JAKMIP3: variants seen among roughly 807,000 people sequenced by gnomAD.
The protein encoded by JAKMIP3 is janus kinase and microtubule-interacting protein 3.
Under a neutral mutation model 118.5 loss-of-function variants are expected in JAKMIP3, and 58 were observed. The observed-to-expected ratio is 0.49, with a 90% CI of 0.40 to 0.61. The LOEUF is 0.61. JAKMIP3 is among the 20% of genes least tolerant of loss of function. JAKMIP3 has a pLI of 0.00. For synonymous variants in JAKMIP3, 486 were observed against 451.2 expected (o/e 1.08, Z -0.98); for missense variants, 950 against 1,109.0 (o/e 0.86, Z 2.04).
chr10:132,148,379 A>G (rs2055080029), intron 14 of JAKMIP3, among the ~76,000 whole-genome samples: 1 of 152,288 alleles, frequency 6.6e-6, no homozygotes. Flanking sequence ...AAAACAAAAC[A>G]AAAGCACGAC....
At chr10:132,047,865 C>G (rs2037969564) in intron 1 of JAKMIP3, among the ~76,000 whole-genome samples, 1 of 107,424 alleles carries the variant, frequency 9.3e-6, no homozygotes. Context: ...ACTGTGTGTT[C>G]CCCACCCCCC....
chr10:132,163,871 G>A (rs530347518), intron 20 of JAKMIP3, among the ~76,000 whole-genome samples: 1 of 152,364 alleles, frequency 6.6e-6, no homozygotes, highest in Non-Finnish European at 1.5e-5. Context: ...TCTGGGGACA[G>A]CAGCCCAAGG....
rs563234720 is a variant in JAKMIP3, at chr10:132,134,606, C to T, written c.850-435C>T. ...TCATCGTACCAGAGAAATGCCGCCC[C>T]GTGGGGCAGGGGGCGCGCACCCTCC... On this transcript the variant is annotated intron_variant, in intron 4 of 23. Transcript: ENST00000684848. 1.6e-4 allele frequency among the ~76,000 whole-genome samples: 25 copies of T among 152,292 alleles called. No homozygotes were observed. In the South Asian group the frequency reaches 2.1e-3, roughly 13 times the overall value.
intron 6 of JAKMIP3, among the ~76,000 whole-genome samples, chr10:132,136,780 G>A (rs1361439802): frequency 1.3e-5 from 2 of 152,196 alleles, no homozygotes; most frequent in Admixed American, 1.3e-4. Context: ...GACCCGCAGG[G>A]CCCATGTGTG....
At position 132,128,397 on chromosome 10, in the gene JAKMIP3, T is replaced by A. The variant is rs79783615; in HGVS notation, c.634-4915T>A. 7.6e-3 allele frequency among the ~76,000 whole-genome samples: 1,157 copies of A among 152,308 alleles called. 37 individuals are homozygous for A. In the South Asian group the frequency reaches 0.081, roughly 11 times the overall value. On this transcript the variant is annotated intron_variant, in intron 3 of 23. Transcript: ENST00000684848. ...GTGTCTAGGTGTGTTTTTGTAATTT[T>A]AAAAAAATACTGCTTGGAGACAGCT...
intron 19 of JAKMIP3, among the ~76,000 whole-genome samples, chr10:132,161,522 GGC>G (rs2058317363): frequency 1.4e-5 from 1 of 71,588 alleles, no homozygotes; most frequent in Non-Finnish European, 2.8e-5. Flanking sequence ...GATGCTGGGG[GGC>G]CTCTCCCTGT....
rs1262889146 is a variant in JAKMIP3, at chr10:132,180,742, C to CGTGTGCGTGTGTGTGTGT, written c.*1104-1612_*1104-1611insTGCGTGTGTGTGTGTGTG. ...GTGCGTGTGTGTGCGTGTGTGCGTG[C>CGTGTGCGTGTGTGTGTGT]GTGCGCGCGCGTGTGTGCGTGTGTG... On this transcript the variant is annotated intron_variant, in intron 23 of 23. Transcript: ENST00000684848. Among the ~76,000 whole-genome samples, 7 of 8,716 alleles carry CGTGTGCGTGTGTGTGTGT rather than the reference C, an allele frequency of 8.0e-4. 2 individuals are homozygous for CGTGTGCGTGTGTGTGTGT. Among genetic ancestry groups the CGTGTGCGTGTGTGTGTGT allele is most frequent in the Non-Finnish European group, 1.5e-3 (7 of 4,630 alleles). 5.7% of individuals were successfully genotyped at this position (8,716 alleles called of 152,430 possible). A position where few individuals can be genotyped will look rare whatever the true frequency, so the allele number is the denominator to read the frequency against.
chr10:132,136,891 A>AGAGGC (rs2051898503), intron 6 of JAKMIP3, 128 bp from the exon 7 acceptor site: 1 of 1,012,566 alleles, frequency 9.9e-7, no homozygotes, highest in Non-Finnish European at 1.4e-6. Context: ...AGGCCTGAGC[A>AGAGGC]GAGGCCGCCA....
At chr10:132,091,875 T>C (rs1321296540) in intron 1 of JAKMIP3, among the ~76,000 whole-genome samples, 1 of 152,212 alleles carries the variant, frequency 6.6e-6, no homozygotes, top group Non-Finnish European at 1.5e-5. Flanking sequence ...ATCGATGGTC[T>C]TTACAATTTG....
chr10:132,146,302 A>G (rs1312964900), intron 13 of JAKMIP3, among the ~76,000 whole-genome samples: 2 of 152,034 alleles, frequency 1.3e-5, no homozygotes, highest in African/African-American at 4.8e-5. Context: ...CTCCCACCAC[A>G]TCAGGCCCAC....
Position 132,090,438 on chromosome 10 carries a change from G to C in JAKMIP3, c.-137-14234G>C, listed in dbSNP as rs568588893. ...TCAACTTCTTCCTGGTTTAGTCTTG[G>C]GAGGGTGTATGTGTCCAGGAATTCA... On this transcript the variant is annotated intron_variant, in intron 1 of 23. Transcript: ENST00000684848. Among the ~76,000 whole-genome samples the C allele has an allele frequency of 2.2e-3, 338 of 152,246 alleles. 3 individuals carry two copies. Among genetic ancestry groups the C allele is most frequent in the African/African-American group, 7.8e-3 (323 of 41,558 alleles).
intron 1 of JAKMIP3, among the ~76,000 whole-genome samples, chr10:132,084,909 T>C (rs1248037185): frequency 6.6e-6 from 1 of 152,238 alleles, no homozygotes; most frequent in African/African-American, 2.4e-5. Context: ...CACCCCTGCA[T>C]TCCTGGTTTG....
intron 1 of JAKMIP3, among the ~76,000 whole-genome samples, chr10:132,052,848 T>C (rs188199533): frequency 6.6e-6 from 1 of 152,224 alleles, no homozygotes; most frequent in Non-Finnish European, 1.5e-5. Flanking sequence ...AGTAAGGGTA[T>C]GTGGGAATTC....
chr10:132,107,528 G>GA (rs1351822597), intron 2 of JAKMIP3, among the ~76,000 whole-genome samples: 3 of 152,226 alleles, frequency 2.0e-5, no homozygotes, highest in Non-Finnish European at 4.4e-5. Context: ...AAGGAATGGA[G>GA]AAGAAGCCTG....
At chr10:132,109,603 G>A (rs939454614) in intron 2 of JAKMIP3, among the ~76,000 whole-genome samples, 3 of 152,300 alleles carry the variant, frequency 2.0e-5, no homozygotes, top group East Asian at 3.9e-4. Context: ...TGAGGATCCT[G>A]AGGACCCTGG....
At chr10:132,055,064 C>T (rs1310981528) in intron 1 of JAKMIP3, among the ~76,000 whole-genome samples, 1 of 152,060 alleles carries the variant, frequency 6.6e-6, no homozygotes, top group Non-Finnish European at 1.5e-5. Context: ...TTTGGGGGCT[C>T]AGGGGGCGCA....
At chr10:132,072,485 T>C (rs2040115869) in intron 1 of JAKMIP3, among the ~76,000 whole-genome samples, 1 of 152,120 alleles carries the variant, frequency 6.6e-6, no homozygotes, top group South Asian at 2.1e-4. Context: ...CAGTGAGCCA[T>C]GATCGTACCA....
chr10:132,093,305 C>A (rs2043344977), intron 1 of JAKMIP3, among the ~76,000 whole-genome samples: 1 of 152,184 alleles, frequency 6.6e-6, no homozygotes, highest in Non-Finnish European at 1.5e-5. Context: ...CTGTCAGGGA[C>A]GTTTAAGTCT....
chr10:132,084,766 G>C (rs1252618477), intron 1 of JAKMIP3, among the ~76,000 whole-genome samples: 1 of 152,178 alleles, frequency 6.6e-6, no homozygotes, highest in Non-Finnish European at 1.5e-5. Flanking sequence ...CAATCTTGCT[G>C]AGAGTTTTAA....
Sources: gnomAD v4.1 joint callset for allele counts (sites outside exome capture counted in the v4.1 genomes callset) on GRCh38, gnomAD v4.1.1 for gene constraint, MANE v1.5 for transcripts, NCBI Gene and HGNC (gene_info 2026-07-23, HGNC 2026-07-21) for gene names.